The following GADL1 variants were observed in gnomAD, a reference collection of about 807,000 sequenced individuals.
GADL1 encodes the protein acidic amino acid decarboxylase GADL1.
Under a neutral mutation model 69.5 loss-of-function variants are expected in GADL1, and 71 were observed. The observed-to-expected ratio is 1.02, with a 90% CI of 0.84 to 1.25. GADL1 has a LOEUF of 1.25. Ranked by LOEUF, GADL1 falls within the 50% of genes most tolerant of loss-of-function variation. The pLI is 0.00. For synonymous variants in GADL1, 254 were observed against 214.4 expected (o/e 1.18, Z -1.62); for missense variants, 737 against 631.8 (o/e 1.17, Z -1.79).
chr3:30,785,013 CTG>C (rs1223496212), intron 13 of GADL1, among the ~76,000 whole-genome samples: 1 of 152,180 alleles, frequency 6.6e-6, no homozygotes, highest in Non-Finnish European at 1.5e-5. Flanking sequence ...GCATGGCTTG[CTG>C]TTTATCTTTA....
At chr3:30,852,587 A>G (rs954472937) in intron 4 of GADL1, among the ~76,000 whole-genome samples, 3 of 152,162 alleles carry the variant, frequency 2.0e-5, no homozygotes, top group Admixed American at 6.6e-5. Context: ...AAAAGTATGA[A>G]AAAAGCATAT....
intron 14 of GADL1, among the ~76,000 whole-genome samples, chr3:30,760,549 T>A (rs527693104): frequency 1.6e-4 from 25 of 152,130 alleles, no homozygotes; most frequent in Non-Finnish European, 3.7e-4. Flanking sequence ...GTTTCCTCTT[T>A]CTCTTACCAT....
chr3:30,806,310 A>T (rs138640213), intron 11 of GADL1, among the ~76,000 whole-genome samples: 18 of 152,320 alleles, frequency 1.2e-4, no homozygotes, highest in African/African-American at 4.3e-4. Flanking sequence ...TATAACAAGC[A>T]CTATCATGCC....
chr3:30,768,468 T>C (rs577221170), intron 14 of GADL1, among the ~76,000 whole-genome samples: 9 of 151,926 alleles, frequency 5.9e-5, no homozygotes, highest in East Asian at 3.9e-4. Flanking sequence ...ATTTATTTCA[T>C]TGAAGCCTTG....
chr3:30,756,838 TC>T (rs1375045512), intron 14 of GADL1, among the ~76,000 whole-genome samples: 1 of 152,174 alleles, frequency 6.6e-6, no homozygotes, highest in African/African-American at 2.4e-5. Context: ...GACCAGTAGA[TC>T]CATCCAGATT....
At chr3:30,753,390 A>C (rs1695881837) in intron 14 of GADL1, among the ~76,000 whole-genome samples, 1 of 152,090 alleles carries the variant, frequency 6.6e-6, no homozygotes, top group Non-Finnish European at 1.5e-5. Context: ...TTTGTGCATA[A>C]TTTGCATTTT....
At chr3:30,791,806 A>T (rs936182234) in intron 12 of GADL1, among the ~76,000 whole-genome samples, 5 of 152,086 alleles carry the variant, frequency 3.3e-5, no homozygotes, top group African/African-American at 1.2e-4. Flanking sequence ...TAATTGAATC[A>T]TGTGGGTGGG....
chr3:30,845,277 T>C (rs1369554746), intron 6 of GADL1, among the ~76,000 whole-genome samples: 2 of 152,186 alleles, frequency 1.3e-5, no homozygotes, highest in Non-Finnish European at 2.9e-5. Context: ...GCCTTCTCTA[T>C]ACTACATGAA....
intron 14 of GADL1, among the ~76,000 whole-genome samples, chr3:30,757,082 C>T (rs886387920): frequency 1.3e-5 from 2 of 152,110 alleles, no homozygotes; most frequent in Admixed American, 1.3e-4. Context: ...TTCTGGCTCA[C>T]CTCGAGACTA....
intron 14 of GADL1, among the ~76,000 whole-genome samples, chr3:30,767,031 C>G (rs1696298016): frequency 6.6e-6 from 1 of 152,178 alleles, no homozygotes; most frequent in Non-Finnish European, 1.5e-5. Flanking sequence ...AGCATTTACT[C>G]TGTGCCAGGC....
intron 14 of GADL1, among the ~76,000 whole-genome samples, chr3:30,732,909 T>C (rs1695481687): frequency 6.6e-6 from 1 of 152,046 alleles, no homozygotes; most frequent in Non-Finnish European, 1.5e-5. Flanking sequence ...ATACAAAAAT[T>C]AGCTGGGTGA....
intron 14 of GADL1, among the ~76,000 whole-genome samples, chr3:30,766,496 AGTGG>A (rs1355715702): frequency 5.0e-3 from 758 of 152,340 alleles, no homozygotes; most frequent in African/African-American, 0.018. Context: ...CACTATGTGA[AGTGG>A]TTTACATGTA....
chr3:30,807,799 A>G (rs1294526091), intron 11 of GADL1, among the ~76,000 whole-genome samples: 1 of 152,154 alleles, frequency 6.6e-6, no homozygotes, highest in Non-Finnish European at 1.5e-5. Context: ...TGGGAGGCTG[A>G]GTCGGGCAGA....
At chr3:30,832,240 A>G (rs1023106841) in intron 11 of GADL1, among the ~76,000 whole-genome samples, 9 of 151,842 alleles carry the variant, frequency 5.9e-5, no homozygotes, top group Non-Finnish European at 2.9e-5. Flanking sequence ...GAAAGTGCTC[A>G]GTTCTTTGCA....
intron 14 of GADL1, among the ~76,000 whole-genome samples, chr3:30,742,763 A>G (rs1011468268): frequency 6.6e-6 from 1 of 152,140 alleles, no homozygotes; most frequent in Non-Finnish European, 1.5e-5. Flanking sequence ...TAATATAATC[A>G]TGAGATAAAC....
intron 13 of GADL1, chr3:30,778,722 A>T (rs1696593337): frequency 6.4e-6 from 1 of 155,664 alleles, no homozygotes; most frequent in African/African-American, 2.4e-5. Flanking sequence ...TACCTGTGAG[A>T]TGATAACAGC....
At chr3:30,793,491 A>G in intron 12 of GADL1, among the ~76,000 whole-genome samples, 1 of 152,096 alleles carries the variant, frequency 6.6e-6, no homozygotes, top group Admixed American at 6.6e-5. Flanking sequence ...AAGTAAGTGG[A>G]CTCGAAAAGC....
chr3:30,779,721 T>C (rs921739877), intron 13 of GADL1, among the ~76,000 whole-genome samples: 2 of 152,214 alleles, frequency 1.3e-5, no homozygotes, highest in South Asian at 2.1e-4. Flanking sequence ...AAGAAAAATA[T>C]AGTAATTATC....
At chr3:30,768,038 C>G (rs956271489) in intron 14 of GADL1, among the ~76,000 whole-genome samples, 3 of 11,690 alleles carry the variant, frequency 2.6e-4, no homozygotes, top group Admixed American at 1.8e-3. Flanking sequence ...TCCCCATACC[C>G]CCCCCCCCCT....
Sources: allele counts gnomAD v4.1 joint callset (sites outside exome capture counted in the v4.1 genomes callset), GRCh38; gene constraint gnomAD v4.1.1; transcripts MANE v1.5; gene names NCBI Gene and HGNC (gene_info 2026-07-23, HGNC 2026-07-21).